The following GPC3 variants were observed in gnomAD, a reference collection of about 807,000 sequenced individuals.
GPC3 encodes glypican 3.
GPC3 carries 3 observed loss-of-function variants against 34.4 expected under a neutral mutation model. The ratio of observed to expected loss-of-function variants is 0.09; its 90% CI spans 0.04 to 0.23. GPC3 has a LOEUF of 0.23. Among genes scored for constraint, GPC3 ranks in the 10% least tolerant of loss-of-function variants. The probability of loss-of-function intolerance (pLI) is 1.00; values close to 1 mark genes in which losing one functional copy is unlikely to be tolerated. For synonymous variants in GPC3, 177 were observed against 174.0 expected (o/e 1.02, Z -0.13); for missense variants, 351 against 445.6 (o/e 0.79, Z 1.91).
chrX:133,876,936 T>C (rs1280529884), intron 2 of GPC3, among the ~76,000 whole-genome samples: 1 of 111,950 alleles, frequency 8.9e-6, no homozygotes, highest in Non-Finnish European at 1.9e-5. Context: ...TAAGGGTTAC[T>C]TATGATGGTT....
chrX:133,666,256 C>T (rs2070766593), intron 5 of GPC3, among the ~76,000 whole-genome samples: 1 of 111,892 alleles, frequency 8.9e-6, no homozygotes, highest in African/African-American at 3.3e-5. Context: ...GCTCCCTGAT[C>T]CCACAGTGAC....
intron 7 of GPC3, among the ~76,000 whole-genome samples, chrX:133,562,005 A>G (rs1245331690): frequency 2.7e-5 from 3 of 112,270 alleles, no homozygotes; most frequent in African/African-American, 6.5e-5. Flanking sequence ...AAAAGCATGA[A>G]CTGCACCATT....
intron 2 of GPC3, among the ~76,000 whole-genome samples, chrX:133,933,283 G>C (rs1213144435): frequency 9.0e-6 from 1 of 110,536 alleles, no homozygotes; most frequent in African/African-American, 3.3e-5. Context: ...TAGGTTACTA[G>C]AAACCTAGAG....
chrX:133,829,123 TAAAAG>T lies in GPC3; in HGVS notation c.338-74952_338-74948del, dbSNP rs1480693562. Among the ~76,000 whole-genome samples the T allele has an allele frequency of 3.1e-4, 35 of 111,356 alleles. No individual in the cohort carries two copies. The East Asian group carries it at 8.5e-3, about 27-fold the overall frequency. On this transcript the variant is annotated intron_variant, in intron 2 of 7. Transcript: ENST00000370818. ...TTCAAAGACACAAATAGATTGAAAATAAAAGGTTGGAAGAAAACATACAGATATAC... is the reference window on the plus strand; with the variant it reads ...TTCAAAGACACAAATAGATTGAAAATGTTGGAAGAAAACATACAGATATAC...
chrX:133,806,352 G>C (rs1442834025), intron 2 of GPC3, among the ~76,000 whole-genome samples: 2 of 111,534 alleles, frequency 1.8e-5, no homozygotes, highest in Non-Finnish European at 3.8e-5. Context: ...AGAATTCTTT[G>C]GGCCTATCTT....
rs147506479 is a variant in GPC3, at chrX:133,753,367, A to C, written c.1032+115T>G. The C allele has an allele frequency of 1.9e-3, 1,110 of 589,435 alleles. 11 individuals carry two copies. In the African/African-American group the frequency reaches 0.022, roughly 12 times the overall value. 48.6% of individuals were successfully genotyped at this position (589,435 alleles called of 1,213,427 possible). On this transcript the variant is annotated intron_variant, in intron 3 of 7. Transcript: ENST00000370818. ...ACTCTGTGAGGTCATTCAGTCCATC[A>C]TCACCCCTTCCCCACCTTCCAATTT...
At chrX:133,640,578 A>G (rs1349215372) in intron 6 of GPC3, among the ~76,000 whole-genome samples, 2 of 112,414 alleles carry the variant, frequency 1.8e-5, no homozygotes, top group Non-Finnish European at 3.7e-5. Flanking sequence ...GCTGAACACA[A>G]TATGACTTTA....
chrX:133,772,949 G>A (rs2071938633), intron 2 of GPC3, among the ~76,000 whole-genome samples: 1 of 111,650 alleles, frequency 9.0e-6, no homozygotes, highest in Admixed American at 9.5e-5. Flanking sequence ...CCTGATATGG[G>A]AGACTAGACC....
intron 2 of GPC3, among the ~76,000 whole-genome samples, chrX:133,780,533 G>A (rs1336735894): frequency 9.0e-6 from 1 of 111,604 alleles, no homozygotes; most frequent in Non-Finnish European, 1.9e-5. Context: ...GGCCTGGGAA[G>A]CCTGGACCTG....
intron 2 of GPC3, among the ~76,000 whole-genome samples, chrX:133,915,615 T>G (rs1447726340): frequency 5.3e-5 from 6 of 112,555 alleles, no homozygotes; most frequent in Non-Finnish European, 9.4e-5. Flanking sequence ...CCATCAGGGG[T>G]TTCTGGCTTA....
rs2124634901 is a variant in GPC3, at chrX:133,953,206, C to G, written c.181G>C (p.Asp61His). ...CCCTTAGGGAGACATACTTGCAAATCTGATCCTGAAACAAACAAGGTTTTC... is the reference window on the plus strand; with the variant it reads ...CCCTTAGGGAGACATACTTGCAAATGTGATCCTGAAACAAACAAGGTTTTC... ...WVPETPVPGS[D>H]LQVCLPKGPT... The change falls in exon 2 of 8, where the codon GAT becomes CAT. Residue 61 changes from aspartate (D) to histidine (H), a missense_variant. Coordinates refer to ENST00000370818, the MANE Select transcript of GPC3 (RefSeq NM_004484.4). 5.0e-6 allele frequency: 6 copies of G among 1,209,242 alleles called. No individual in the cohort carries two copies. Among genetic ancestry groups the G allele is most frequent in the Non-Finnish European group, 6.7e-6 (6 of 893,770 alleles).
chrX:133,900,852 AC>A (rs1215923919), intron 2 of GPC3, among the ~76,000 whole-genome samples: 3 of 111,698 alleles, frequency 2.7e-5, no homozygotes, highest in African/African-American at 9.8e-5. Flanking sequence ...CTGACAAACT[AC>A]TGATACCAAA....
chrX:133,558,699 T>C (rs901732295), intron 7 of GPC3, among the ~76,000 whole-genome samples: 1 of 109,688 alleles, frequency 9.1e-6, no homozygotes, highest in African/African-American at 3.3e-5. Context: ...AAGACCAGCC[T>C]GGCCAAGATG....
At chrX:133,948,415 A>C (rs770992166) in intron 2 of GPC3, among the ~76,000 whole-genome samples, 21 of 110,636 alleles carry the variant, frequency 1.9e-4, no homozygotes, top group African/African-American at 6.2e-4. Context: ...ACAACAGAAG[A>C]AGCACAGAAA....
At chrX:133,848,632 A>G (rs776361191) in intron 2 of GPC3, among the ~76,000 whole-genome samples, 28 of 111,993 alleles carry the variant, frequency 2.5e-4, no homozygotes, top group Non-Finnish European at 4.9e-4. Flanking sequence ...AAAGTCATTA[A>G]AAGCATAAAG....
chrX:133,912,511 GT>G (rs34078487), intron 2 of GPC3, among the ~76,000 whole-genome samples: 17,243 of 96,348 alleles, frequency 0.18, 1,297 homozygotes, highest in East Asian at 0.22. Context: ...AAGGAATTGG[GT>G]TTTTTTTTTT....
chrX:133,718,570 T>C (rs1272348676), intron 3 of GPC3, among the ~76,000 whole-genome samples: 1 of 111,258 alleles, frequency 9.0e-6, no homozygotes, highest in Non-Finnish European at 1.9e-5. Context: ...ATATAAATCT[T>C]ACCTTATTTC....
chrX:133,916,796 T>C (rs973263640), intron 2 of GPC3, among the ~76,000 whole-genome samples: 2 of 110,974 alleles, frequency 1.8e-5, no homozygotes, highest in African/African-American at 6.6e-5. Flanking sequence ...GGAGGATCAC[T>C]TGAGCCCAGG....
In GPC3 at chrX:133,667,826, C is replaced by T. The variant is rs745662718; in HGVS notation, c.1293-5976G>A. On this transcript the variant is annotated intron_variant, in intron 5 of 7. Transcript: ENST00000370818. ...GAGCCGAGATCACACCACTGCACTCCAGCCTGGATGACAGAGTGAAACCTT... is the reference window on the plus strand; with the variant it reads ...GAGCCGAGATCACACCACTGCACTCTAGCCTGGATGACAGAGTGAAACCTT... Among the ~76,000 whole-genome samples, 3 of 109,915 alleles carry T rather than the reference C, an allele frequency of 2.7e-5. No individual in the cohort carries two copies. In the South Asian group the frequency reaches 1.2e-3, roughly 45 times the overall value.
Sources: gnomAD v4.1 joint callset for allele counts (sites outside exome capture counted in the v4.1 genomes callset) on GRCh38, gnomAD v4.1.1 for gene constraint, MANE v1.5 for transcripts, NCBI Gene and HGNC (gene_info 2026-07-23, HGNC 2026-07-21) for gene names.